The following NUP210 variants were observed in gnomAD, a reference collection of about 807,000 sequenced individuals.
NUP210 encodes the protein nucleoporin 210, also known as nuclear pore membrane glycoprotein 210.
NUP210 carries 151 observed loss-of-function variants against 196.0 expected under a neutral mutation model. That is an observed-to-expected ratio of 0.77 (90% CI 0.67 to 0.88). The LOEUF is 0.88. Ranked by LOEUF, NUP210 falls within the 40% of genes least tolerant of loss-of-function variation. The pLI is 0.00. For missense variants in NUP210, 2,314 were observed against 2,493.7 expected (o/e 0.93, Z 1.53); for synonymous variants, 1,070 against 1,052.7 (o/e 1.02, Z -0.32).
intron 6 of NUP210, among the ~76,000 whole-genome samples, chr3:13,380,189 T>C (rs559933368): frequency 7.2e-5 from 11 of 152,280 alleles, no homozygotes; most frequent in Admixed American, 7.2e-4. Context: ...GCTTCAGTGT[T>C]CCCCTGCCCT....
At chr3:13,351,548 T>C in intron 20 of NUP210, 2 of 225,412 alleles carry the variant, frequency 8.9e-6, no homozygotes, top group Non-Finnish European at 1.8e-5. Context: ...GGCTGGAGCA[T>C]GACCACTGCT....
intron 1 of NUP210, among the ~76,000 whole-genome samples, chr3:13,404,552 T>G (rs535735398): frequency 6.6e-6 from 1 of 152,348 alleles, no homozygotes; most frequent in Non-Finnish European, 1.5e-5. Context: ...AAAGAACTAC[T>G]GCTATGTCCT....
intron 20 of NUP210, among the ~76,000 whole-genome samples, chr3:13,349,888 AAG>A (rs1256214892): frequency 1.3e-5 from 2 of 152,190 alleles, no homozygotes; most frequent in Non-Finnish European, 1.5e-5. Context: ...GAGAGGTAGG[AAG>A]AGCTCTCCTG....
chr3:13,368,328 C>T (rs574507154), intron 13 of NUP210, among the ~76,000 whole-genome samples: 59 of 152,306 alleles, frequency 3.9e-4, no homozygotes, highest in African/African-American at 1.2e-3. Flanking sequence ...CCTCCCATCT[C>T]GGACTCCCAA....
chr3:13,349,448 G>A (rs1172133602), intron 20 of NUP210, among the ~76,000 whole-genome samples: 2 of 152,322 alleles, frequency 1.3e-5, no homozygotes, highest in East Asian at 3.9e-4. Context: ...GCTCTGCCTT[G>A]GGTGCGGCAC....
intron 1 of NUP210, among the ~76,000 whole-genome samples, chr3:13,404,606 G>C (rs553425580): frequency 6.6e-6 from 1 of 152,326 alleles, no homozygotes; most frequent in African/African-American, 2.4e-5. Flanking sequence ...AACGGGACTG[G>C]TTTAAGGCCA....
intron 1 of NUP210, among the ~76,000 whole-genome samples, chr3:13,405,968 GT>G (rs1463395724): frequency 6.6e-6 from 1 of 152,100 alleles, no homozygotes. Context: ...TCATTTAAGT[GT>G]TTTAGGAAAA....
chr3:13,373,682 A>G, intron 12 of NUP210, 36 bp downstream of exon 12: 1 of 1,608,634 alleles, frequency 6.2e-7, no homozygotes, highest in Non-Finnish European at 8.5e-7. Context: ...CCACCATCCG[A>G]GCCTCCCAGG....
At chr3:13,363,841 T>C (rs1401596451) in intron 14 of NUP210, among the ~76,000 whole-genome samples, 2 of 152,218 alleles carry the variant, frequency 1.3e-5, no homozygotes, top group African/African-American at 4.8e-5. Flanking sequence ...AGCTCAGGAC[T>C]GTGAGCTCAG....
rs527287989 is a variant in NUP210, at chr3:13,352,227, T to C, written c.2629-43A>G. The C allele has an allele frequency of 2.7e-6, 4 of 1,467,114 alleles. No individual in the cohort carries two copies. The African/African-American group carries it at 4.2e-5, about 15-fold the overall frequency. 90.9% of individuals were successfully genotyped at this position (1,467,114 alleles called of 1,614,324 possible). On this transcript the variant is annotated intron_variant, in intron 18 of 39. Coordinates refer to ENST00000254508, the MANE Select transcript of NUP210 (RefSeq NM_024923.4). ...GGCCATTAGATCCAGGAGGACATGATTAGGCTGCCCCTCGGGAAGAACAGG... is the reference window on the plus strand; with the variant it reads ...GGCCATTAGATCCAGGAGGACATGACTAGGCTGCCCCTCGGGAAGAACAGG...
chr3:13,330,326 C>T, intron 30 of NUP210, 134 bp downstream of exon 30: 2 of 815,574 alleles, frequency 2.5e-6, no homozygotes, highest in South Asian at 1.7e-5. Flanking sequence ...GGACCTTTGC[C>T]CCTGAGTTAC....
intron 1 of NUP210, among the ~76,000 whole-genome samples, chr3:13,401,503 A>G (rs1208240696): frequency 6.6e-6 from 1 of 151,982 alleles, no homozygotes; most frequent in East Asian, 1.9e-4. Flanking sequence ...AGCAATCTAC[A>G]CCCCGGAGGA....
At position 13,373,811 on chromosome 3, in the gene NUP210, A is replaced by G; in HGVS notation, c.1494T>C (p.Thr498=). 2.5e-6 allele frequency: 4 copies of G among 1,614,164 alleles called. No homozygotes were observed. Among genetic ancestry groups the G allele is most frequent in the Non-Finnish European group, 3.4e-6 (4 of 1,180,018 alleles). ...TGCCTGTGGTCATCACGCCCTTGACAGTAACTGTGGCAACCAGGTGGCTTG... is the reference window on the plus strand; with the variant it reads ...TGCCTGTGGTCATCACGCCCTTGACGGTAACTGTGGCAACCAGGTGGCTTG... ...SSSSHLVATV[T]VKGVMTTGSD... The change falls in exon 12 of 40, where the codon ACT becomes ACC. Residue 498 remains threonine, a synonymous_variant. Coordinates refer to ENST00000254508, the MANE Select transcript of NUP210 (RefSeq NM_024923.4).
In NUP210 at chr3:13,321,553, G is replaced by A. The variant is rs761022094; in HGVS notation, c.5166+32C>T. ...GGGCCTTCCTGATGCCCCTGACTCC[G>A]GCCTGGCCTGAGGCATGCAGATGCC... On this transcript the variant is annotated intron_variant, in intron 36 of 39. Coordinates refer to ENST00000254508, the MANE Select transcript of NUP210 (RefSeq NM_024923.4). The A allele has an allele frequency of 9.4e-6, 15 of 1,599,662 alleles. No homozygotes were observed. The South Asian group carries it at 9.9e-5, about 11-fold the overall frequency.
chr3:13,410,234 G>A (rs1001697880), intron 1 of NUP210, among the ~76,000 whole-genome samples: 5 of 150,900 alleles, frequency 3.3e-5, no homozygotes, highest in Non-Finnish European at 7.4e-5. Context: ...AGGCTGGAGT[G>A]CAATGAGACA....
Position 13,319,944 on chromosome 3 carries a change from T to TC in NUP210, c.5201_5202insG (p.Glu1736GlyfsTer205). ...TGGGCCACCCAAAAGACTTCTCCTT[T>TC]GCGAATGCCAGCACGGCCGGGGACC... On this transcript the variant is annotated frameshift_variant, in exon 37 of 40. Coordinates refer to ENST00000254508, the MANE Select transcript of NUP210 (RefSeq NM_024923.4). LOFTEE classifies it high-confidence loss of function. 6.2e-7 allele frequency: 1 copy of TC among 1,614,104 alleles called. No individual in the cohort carries two copies. Among genetic ancestry groups the TC allele is most frequent in the Non-Finnish European group, 8.5e-7 (1 of 1,180,030 alleles).
Position 13,398,356 on chromosome 3 carries a change from T to C in NUP210, c.305-868A>G, listed in dbSNP as rs146043922. ...TACTTGGGAGGCTGAGGCAGAAGAATTGCTTAAACCCGGGAGGCAAAGGTT... is the reference window on the plus strand; with the variant it reads ...TACTTGGGAGGCTGAGGCAGAAGAACTGCTTAAACCCGGGAGGCAAAGGTT... On this transcript the variant is annotated intron_variant, in intron 2 of 39. Coordinates refer to ENST00000254508, the MANE Select transcript of NUP210 (RefSeq NM_024923.4). 3.2e-3 allele frequency among the ~76,000 whole-genome samples: 487 copies of C among 152,130 alleles called. 3 individuals are homozygous for C. The highest frequency in any genetic ancestry group is 0.011 in the African/African-American group (476 of 41,480).
chr3:13,395,885 T>C (rs569506121), intron 3 of NUP210, among the ~76,000 whole-genome samples: 1 of 152,336 alleles, frequency 6.6e-6, no homozygotes, highest in South Asian at 2.1e-4. Context: ...GCCTGGACAA[T>C]GCCCAGTTTG....
At chr3:13,321,404 C>G (rs1021843160) in intron 36 of NUP210, among the ~76,000 whole-genome samples, 181 bp downstream of exon 36, 1 of 152,232 alleles carries the variant, frequency 6.6e-6, no homozygotes, top group African/African-American at 2.4e-5. Flanking sequence ...ATCACGCAGC[C>G]TGAGAGACAG....
Sources: allele counts gnomAD v4.1 joint callset (sites outside exome capture counted in the v4.1 genomes callset), GRCh38; gene constraint gnomAD v4.1.1; transcripts MANE v1.5; gene names NCBI Gene and HGNC (gene_info 2026-07-23, HGNC 2026-07-21).